Variants in RYR3 observed in about 807,000 individuals in gnomAD.
RYR3 encodes brain ryanodine receptor-calcium release channel.
Under a neutral mutation model 584.3 loss-of-function variants are expected in RYR3, and 207 were observed. That is an observed-to-expected ratio of 0.35 (90% CI 0.32 to 0.40). The LOEUF is 0.40. Among genes scored for constraint, RYR3 ranks in the 10% least tolerant of loss-of-function variants. RYR3 has a pLI of 1.00. For synonymous variants in RYR3, 2,416 were observed against 2,248.5 expected (o/e 1.07, Z -2.11); for missense variants, 5,616 against 6,089.2 (o/e 0.92, Z 2.59).
At chr15:33,422,783 TG>T (rs1445070758) in intron 1 of RYR3, among the ~76,000 whole-genome samples, 1 of 152,146 alleles carries the variant, frequency 6.6e-6, no homozygotes, top group Non-Finnish European at 1.5e-5. Flanking sequence ...GCAGAGGCCT[TG>T]TATCCCCTGT....
At chr15:33,859,821 A>G in intron 100 of RYR3, 90 bp downstream of exon 100, 1 of 1,326,346 alleles carries the variant, frequency 7.5e-7, no homozygotes, top group Non-Finnish European at 1.0e-6. Context: ...TTTATGAAGA[A>G]GCGTGTGAAT....
At chr15:33,806,437 G>GA (rs1484405364) in intron 69 of RYR3, among the ~76,000 whole-genome samples, 3 of 151,880 alleles carry the variant, frequency 2.0e-5, no homozygotes, top group Non-Finnish European at 4.4e-5. Flanking sequence ...AGGATCACTT[G>GA]AGGCCGAGAG....
intron 1 of RYR3, among the ~76,000 whole-genome samples, chr15:33,462,856 TAA>T (rs1435388788): frequency 1.3e-4 from 20 of 152,224 alleles, no homozygotes; most frequent in African/African-American, 4.8e-4. Context: ...TATGAAAAGT[TAA>T]AGTGTCCTGG....
intron 3 of RYR3, among the ~76,000 whole-genome samples, chr15:33,522,269 A>G (rs1408553661): frequency 6.6e-6 from 1 of 152,016 alleles, no homozygotes; most frequent in Non-Finnish European, 1.5e-5. Flanking sequence ...TCTCAAAAAA[A>G]AAAAAAATTC....
At chr15:33,344,181 T>C in intron 1 of RYR3, among the ~76,000 whole-genome samples, 1 of 152,348 alleles carries the variant, frequency 6.6e-6, no homozygotes, top group East Asian at 1.9e-4. Flanking sequence ...TGGTTGAAGG[T>C]GAGGTTTCAA....
At chr15:33,563,876 A>AG (rs1263321065) in intron 11 of RYR3, among the ~76,000 whole-genome samples, 1 of 152,196 alleles carries the variant, frequency 6.6e-6, no homozygotes, top group Non-Finnish European at 1.5e-5. Context: ...AATGATCAAG[A>AG]GGGGATAGAA....
chr15:33,612,486 G>A (rs553313469), intron 18 of RYR3, among the ~76,000 whole-genome samples: 2 of 152,032 alleles, frequency 1.3e-5, no homozygotes, highest in African/African-American at 2.4e-5. Flanking sequence ...TCAGCCTCCC[G>A]AGTAGCTGGG....
chr15:33,650,762 A>G (rs745882591), intron 31 of RYR3, among the ~76,000 whole-genome samples: 4 of 152,310 alleles, frequency 2.6e-5, no homozygotes, highest in Non-Finnish European at 5.9e-5. Flanking sequence ...CTGTATTTTC[A>G]ATCTATGTGT....
intron 1 of RYR3, among the ~76,000 whole-genome samples, chr15:33,444,133 T>A (rs1158826120): frequency 6.6e-6 from 1 of 152,096 alleles, no homozygotes; most frequent in African/African-American, 2.4e-5. Context: ...TTGGTGGGAT[T>A]TTTTTTCTCC....
At chr15:33,864,235 A>C (rs1434665839) in intron 103 of RYR3, 46 bp downstream of exon 103, 1 of 1,463,762 alleles carries the variant, frequency 6.8e-7, no homozygotes, top group African/African-American at 1.5e-5. Context: ...TCCCTTTCCT[A>C]AATCTTGAGA....
chr15:33,727,501 A>G (rs978663308), intron 46 of RYR3, among the ~76,000 whole-genome samples: 2 of 152,214 alleles, frequency 1.3e-5, no homozygotes, highest in Non-Finnish European at 2.9e-5. Flanking sequence ...TCTCTGAGAA[A>G]ACTTAAGATA....
At chr15:33,378,185 C>T (rs2040889533) in intron 1 of RYR3, among the ~76,000 whole-genome samples, 1 of 152,204 alleles carries the variant, frequency 6.6e-6, no homozygotes, top group Admixed American at 6.5e-5. Context: ...CCTATACAGG[C>T]CCATAGGCAT....
chr15:33,436,218 A>G (rs2141820257), intron 1 of RYR3, among the ~76,000 whole-genome samples: 1 of 152,266 alleles, frequency 6.6e-6, no homozygotes, highest in South Asian at 2.1e-4. Context: ...TATCTTTGCT[A>G]TACTGATTTC....
chr15:33,746,303 G>C, intron 53 of RYR3, 146 bp downstream of exon 53: 1 of 659,476 alleles, frequency 1.5e-6, no homozygotes, highest in South Asian at 1.9e-5. Context: ...AAGCTTGCCA[G>C]TGGGCAAGTG....
chr15:33,669,379 T>G lies in RYR3; in HGVS notation c.5645T>G (p.Leu1882Arg). The G allele has an allele frequency of 1.2e-6, 2 of 1,613,972 alleles. No homozygotes were observed. The highest frequency in any genetic ancestry group is 1.6e-4 in the Middle Eastern group (1 of 6,062). Residue 1882 changes from leucine (L) to arginine (R), a missense_variant, in exon 37 of 104, where the codon CTG (leucine) becomes CGG (arginine). Leu to Arg is a moderately radical substitution (Grantham distance 102, BLOSUM62 -2). Transcript: ENST00000634891. ...ATCAACATGCTGCTTAACTTTCAAC[T>G]GGGAGAGAACTGCCCCTGCCCAGAG... ...EQINMLLNFQ[L>R]GENCPCPEEI...
chr15:33,823,139 G>A (rs2077197699), intron 81 of RYR3, 67 bp downstream of exon 81: 1 of 1,353,286 alleles, frequency 7.4e-7, no homozygotes, highest in Non-Finnish European at 1.0e-6. Flanking sequence ...GGCAGGGGAA[G>A]GGGAGCACAA....
At chr15:33,637,712 G>A (rs929680848) in intron 27 of RYR3, among the ~76,000 whole-genome samples, 7 of 152,294 alleles carry the variant, frequency 4.6e-5, no homozygotes, top group African/African-American at 7.2e-5. Flanking sequence ...TTTACAGAGC[G>A]TTTTTAGCTT....
intron 1 of RYR3, among the ~76,000 whole-genome samples, chr15:33,382,484 G>A (rs1024997222): frequency 1.3e-5 from 2 of 151,684 alleles, no homozygotes; most frequent in African/African-American, 4.8e-5. Context: ...CCACCAGCCC[G>A]GCTAATTTTC....
At chr15:33,342,112 C>T (rs1312839322) in intron 1 of RYR3, among the ~76,000 whole-genome samples, 2 of 152,162 alleles carry the variant, frequency 1.3e-5, no homozygotes, top group Non-Finnish European at 2.9e-5. Flanking sequence ...CTGCTTTCTA[C>T]CAGGAGCAGT....
Sources: allele counts gnomAD v4.1 joint callset (sites outside exome capture counted in the v4.1 genomes callset), GRCh38; gene constraint gnomAD v4.1.1; transcripts MANE v1.5; gene names NCBI Gene and HGNC (gene_info 2026-07-23, HGNC 2026-07-21).